Variants in CNTN5 observed in about 807,000 individuals in gnomAD.
The protein encoded by CNTN5 is contactin-5.
Under a neutral mutation model 129.1 loss-of-function variants are expected in CNTN5, and 77 were observed. The observed-to-expected ratio is 0.60, with a 90% CI of 0.50 to 0.72. CNTN5 has a LOEUF of 0.72. Among genes scored for constraint, CNTN5 ranks in the 30% least tolerant of loss-of-function variants. The pLI is 0.00. For synonymous variants in CNTN5, 509 were observed against 465.6 expected, an observed-to-expected ratio of 1.09 and a Z score of -1.20; for missense variants, 1,478 against 1,328.8, an observed-to-expected ratio of 1.11 and a Z score of -1.75.
At chr11:99,374,774 T>C (rs916477767) in intron 2 of CNTN5, among the ~76,000 whole-genome samples, 1 of 152,266 alleles carries the variant, frequency 6.6e-6, no homozygotes, top group East Asian at 1.9e-4. Context: ...GAGATATCAT[T>C]TGTGACCTCC....
At chr11:99,176,766 A>G (rs1857794531) in intron 1 of CNTN5, among the ~76,000 whole-genome samples, 1 of 152,110 alleles carries the variant, frequency 6.6e-6, no homozygotes, top group African/African-American at 2.4e-5. Flanking sequence ...ATAAAATTCT[A>G]ATTGGTCCCT....
At chr11:99,232,631 G>A (rs1223420217) in intron 1 of CNTN5, among the ~76,000 whole-genome samples, 4 of 152,048 alleles carry the variant, frequency 2.6e-5, no homozygotes, top group African/African-American at 7.2e-5. Context: ...CTTCCTATTC[G>A]AATGCCCTTT....
intron 2 of CNTN5, among the ~76,000 whole-genome samples, chr11:99,386,296 A>G (rs559670276): frequency 2.0e-5 from 3 of 152,362 alleles, no homozygotes; most frequent in Admixed American, 6.5e-5. Context: ...AAGCAAAAAC[A>G]AATTTATTAA....
At chr11:99,866,192 T>C (rs1461298576) in intron 6 of CNTN5, among the ~76,000 whole-genome samples, 2 of 152,186 alleles carry the variant, frequency 1.3e-5, no homozygotes, top group East Asian at 1.9e-4. Flanking sequence ...TGCTCTCTAG[T>C]GCACTTCTGA....
At chr11:99,329,704 A>G (rs1865924606) in intron 2 of CNTN5, among the ~76,000 whole-genome samples, 1 of 152,144 alleles carries the variant, frequency 6.6e-6, no homozygotes, top group South Asian at 2.1e-4. Flanking sequence ...AATTCTAACA[A>G]ATGGAAAGAT....
chr11:99,847,505 A>G (rs1430811229), intron 6 of CNTN5, among the ~76,000 whole-genome samples: 2 of 152,176 alleles, frequency 1.3e-5, no homozygotes, highest in East Asian at 3.9e-4. Flanking sequence ...GCCCCTCTCT[A>G]CTTTCCACCA....
At chr11:100,007,044 C>T (rs12277370) in intron 9 of CNTN5, among the ~76,000 whole-genome samples, 56,573 of 151,582 alleles carry the variant, frequency 0.37, 11,904 homozygotes, top group African/African-American at 0.57. Flanking sequence ...TATTTCTCTT[C>T]GCTAATGAGA....
intron 3 of CNTN5, among the ~76,000 whole-genome samples, chr11:99,582,513 C>T (rs1486834174): frequency 6.6e-6 from 1 of 152,166 alleles, no homozygotes; most frequent in Admixed American, 6.5e-5. Context: ...TTCTTGGAGG[C>T]TTTGTTCATT....
At chr11:100,313,674 G>T (rs76615952) in intron 21 of CNTN5, among the ~76,000 whole-genome samples, 1 of 151,938 alleles carries the variant, frequency 6.6e-6, no homozygotes, top group Admixed American at 6.6e-5. Context: ...GCTACCATAG[G>T]AAAGCATCTG....
chr11:99,526,216 G>C (rs941134346), intron 2 of CNTN5, among the ~76,000 whole-genome samples: 8 of 152,112 alleles, frequency 5.3e-5, no homozygotes, highest in African/African-American at 1.9e-4. Context: ...GAAATGACGT[G>C]GTAGAAGAAG....
Position 99,990,572 on chromosome 11 carries a change from G to T in CNTN5, c.878-11462G>T, listed in dbSNP as rs1023656413. 3.3e-5 allele frequency among the ~76,000 whole-genome samples: 5 copies of T among 151,452 alleles called. No individual in the cohort carries two copies. The South Asian group carries it at 8.3e-4, about 25-fold the overall frequency. ...TCCTACATAAATAATACTCATAATG[G>T]TGCATTTATTTGTTGGTAACATAAG... On this transcript the variant is annotated intron_variant, in intron 8 of 24. Transcript: ENST00000524871.
intron 9 of CNTN5, among the ~76,000 whole-genome samples, chr11:100,026,968 A>T (rs979345891): frequency 3.9e-5 from 6 of 151,926 alleles, no homozygotes; most frequent in African/African-American, 1.5e-4. Context: ...GATCATCTTG[A>T]TTTTGTTCCC....
intron 1 of CNTN5, among the ~76,000 whole-genome samples, chr11:99,235,108 C>T (rs1861200457): frequency 6.6e-6 from 1 of 150,698 alleles, no homozygotes; most frequent in African/African-American, 2.4e-5. Context: ...TTAATTTGTA[C>T]TCATAAGCAG....
At chr11:99,906,375 C>T (rs967355866) in intron 6 of CNTN5, among the ~76,000 whole-genome samples, 1 of 152,002 alleles carries the variant, frequency 6.6e-6, no homozygotes, top group East Asian at 1.9e-4. Flanking sequence ...TGTTGAAGGT[C>T]GTTTTTGCAT....
chr11:99,916,275 A>AGAGT, intron 7 of CNTN5, 126 bp downstream of exon 7: 1 of 647,370 alleles, frequency 1.5e-6, no homozygotes, highest in South Asian at 2.1e-5. Flanking sequence ...GACATCTATC[A>AGAGT]GAGTGCCAGA....
chr11:99,264,864 T>G lies in CNTN5; in HGVS notation c.-209-60482T>G, dbSNP rs532710052. On this transcript the variant is annotated intron_variant, in intron 1 of 24. Coordinates refer to ENST00000524871, the MANE Select transcript of CNTN5 (RefSeq NM_014361.4). ...ATTAATTTATCTTCATTTTTTTATG[T>G]TAAACTTCAACATGACAGGATAGGT... 4.6e-5 allele frequency among the ~76,000 whole-genome samples: 7 copies of G among 152,208 alleles called. No individual in the cohort carries two copies. In the South Asian group the frequency reaches 1.4e-3, roughly 32 times the overall value.
intron 18 of CNTN5, among the ~76,000 whole-genome samples, chr11:100,281,685 A>T (rs556199078): frequency 2.0e-3 from 305 of 152,212 alleles, no homozygotes; most frequent in Admixed American, 8.2e-3. Context: ...TCATACCCCT[A>T]TCTCTTTCTA....
At chr11:100,020,215 A>G (rs546356470) in intron 9 of CNTN5, among the ~76,000 whole-genome samples, 11 of 152,178 alleles carry the variant, frequency 7.2e-5, no homozygotes, top group African/African-American at 2.6e-4. Context: ...TACAAGGAAC[A>G]ATCAAGAAGC....
chr11:99,916,005 C>A (rs2136012440), intron 6 of CNTN5, 49 bp from the exon 7 acceptor site: 1 of 1,393,742 alleles, frequency 7.2e-7, no homozygotes, highest in East Asian at 2.4e-5. Context: ...CATAGCAATT[C>A]TTTACATTCT....
Sources: gnomAD v4.1 joint callset for allele counts (sites outside exome capture counted in the v4.1 genomes callset) on GRCh38, gnomAD v4.1.1 for gene constraint, MANE v1.5 for transcripts, NCBI Gene and HGNC (gene_info 2026-07-23, HGNC 2026-07-21) for gene names.